CYP1A2: variants seen among roughly 807,000 people sequenced by gnomAD.
CYP1A2 encodes cytochrome P450 1A2.
Under a neutral mutation model 34.7 loss-of-function variants are expected in CYP1A2, and 35 were observed. The ratio of observed to expected loss-of-function variants is 1.01; its 90% CI spans 0.77 to 1.34. The LOEUF (loss-of-function observed/expected upper bound fraction) is 1.34, where lower values mean the gene tolerates loss of function less well. Ranked by LOEUF, CYP1A2 falls within the 40% of genes most tolerant of loss-of-function variation. The pLI, the probability that CYP1A2 is intolerant of heterozygous loss-of-function variation, is 0.00. For missense variants in CYP1A2, 675 were observed against 675.8 expected, an observed-to-expected ratio of 1.00 and a Z score of 0.01; for synonymous variants, 288 against 281.9, an observed-to-expected ratio of 1.02 and a Z score of -0.22.
intron 2 of CYP1A2, among the ~76,000 whole-genome samples, chr15:74,750,885 A>C (rs1405221697): frequency 6.6e-6 from 1 of 152,136 alleles, no homozygotes; most frequent in Non-Finnish European, 1.5e-5. Flanking sequence ...CCTAAACCCC[A>C]ACAGAGGCTA....
chr15:74,753,519 TC>T (rs2063325706), intron 6 of CYP1A2, among the ~76,000 whole-genome samples: 1 of 152,034 alleles, frequency 6.6e-6, no homozygotes, highest in Non-Finnish European at 1.5e-5. Flanking sequence ...TCACTTGAGG[TC>T]AGGAGTTTGA....
chr15:74,754,719 C>T (rs1335299381), intron 6 of CYP1A2, 72 bp from the exon 7 acceptor site: 1 of 1,495,544 alleles, frequency 6.7e-7, no homozygotes, highest in Non-Finnish European at 9.1e-7. Flanking sequence ...CAACAGAAGT[C>T]TCCCTCCCCC....
Position 74,752,243 on chromosome 15 carries a change from C to A in CYP1A2, c.1162C>A (p.His388Asn), listed in dbSNP as rs557412265. Residue 388 changes from histidine (H) to asparagine (N), a missense_variant, in exon 5 of 7, where the codon CAC becomes AAC. Coordinates refer to ENST00000343932, the MANE Select transcript of CYP1A2 (RefSeq NM_000761.5). The stretch of plus-strand genomic sequence containing the variant: ...CTCCTTCTTGCCCTTCACCATCCCC[C>A]ACAGGTGAGGCCTGCCGGTTCTGCC... ...HSSFLPFTIP[H>N]STTRDTTLNG... 1.2e-6 allele frequency: 2 copies of A among 1,613,886 alleles called. No individual in the cohort carries two copies. Among genetic ancestry groups the A allele is most frequent in the East Asian group, 2.2e-5 (1 of 44,862 alleles).
intron 4 of CYP1A2, 62 bp downstream of exon 4, chr15:74,751,916 G>A: frequency 1.9e-6 from 3 of 1,571,034 alleles, no homozygotes; most frequent in Non-Finnish European, 2.6e-6. Flanking sequence ...TGTTTGTTCA[G>A]TCTACAAACA....
intron 6 of CYP1A2, 146 bp downstream of exon 6, chr15:74,753,416 C>G: frequency 1.6e-6 from 1 of 643,670 alleles, no homozygotes; most frequent in African/African-American, 1.8e-5. Context: ...ACAAAAGTTT[C>G]ACAAACTTTA....
At chr15:74,750,632 C>T (rs34182516) in intron 2 of CYP1A2, 63 bp downstream of exon 2, 1,558 of 1,375,346 alleles carry the variant, frequency 1.1e-3, no homozygotes, top group Non-Finnish European at 1.4e-3. Flanking sequence ...CCCTCCCTCC[C>T]AGCTCCAGCA....
At chr15:74,754,065 C>T (rs888450457) in intron 6 of CYP1A2, among the ~76,000 whole-genome samples, 57 of 152,166 alleles carry the variant, frequency 3.7e-4, no homozygotes, top group African/African-American at 1.2e-3. Flanking sequence ...TTTCTTTCTT[C>T]CTTTCACTTT....
Position 74,754,909 on chromosome 15 carries a change from T to C in CYP1A2, c.1372T>C (p.Cys458Arg), listed in dbSNP as rs982089694. The C allele has an allele frequency of 6.2e-7, 1 of 1,614,072 alleles. No individual in the cohort carries two copies. ...MMLFGMGKRR[C>R]IGEVLAKWEI... Reference sequence around the variant, plus strand: ...GCTGTTTGGCATGGGCAAGCGCCGGTGTATCGGGGAAGTCCTGGCCAAGTG... The same window carrying C: ...GCTGTTTGGCATGGGCAAGCGCCGGCGTATCGGGGAAGTCCTGGCCAAGTG... The change falls in exon 7 of 7, where the codon TGT (cysteine) becomes CGT (arginine). Residue 458 changes from cysteine to arginine, a missense_variant. Physicochemically the swap from Cys to Arg is radical, Grantham distance 180 (BLOSUM62 -3). Coordinates refer to ENST00000343932, the MANE Select transcript of CYP1A2 (RefSeq NM_000761.5).
At position 74,751,846 on chromosome 15, in the gene CYP1A2, A is replaced by G. The variant is rs765006100; in HGVS notation, c.1034A>G (p.Lys345Arg). Residue 345 changes from lysine (K) to arginine (R), a missense_variant, in exon 4 of 7, where the codon AAG (lysine) becomes AGG (arginine). Coordinates refer to ENST00000343932, the MANE Select transcript of CYP1A2 (RefSeq NM_000761.5). ...TKPEIQRKIQKELDTVIGRER... is the reference protein window; with the variant it reads ...TKPEIQRKIQRELDTVIGRER... ...CCTGAGATACAGAGGAAGATCCAGAAGGAGCTGGGTACATGGGGGCCCCCA... is the reference window on the plus strand; with the variant it reads ...CCTGAGATACAGAGGAAGATCCAGAGGGAGCTGGGTACATGGGGGCCCCCA... 28 of 1,614,036 alleles carry G rather than the reference A, an allele frequency of 1.7e-5. No homozygotes were observed. The highest frequency in any genetic ancestry group is 2.4e-5 in the Non-Finnish European group (28 of 1,180,024).
intron 4 of CYP1A2, 92 bp from the exon 5 acceptor site, chr15:74,752,032 C>T (rs1160664567): frequency 1.0e-5 from 16 of 1,576,858 alleles, no homozygotes; most frequent in Non-Finnish European, 1.3e-5. Flanking sequence ...AATAGACAGT[C>T]TTACATAAGA....
Position 74,750,644 on chromosome 15 carries a change from GC to G in CYP1A2, c.831+78del, listed in dbSNP as rs1462054539. 20 of 1,267,278 alleles carry G rather than the reference GC, an allele frequency of 1.6e-5. No homozygotes were observed. In the Admixed American group the frequency reaches 3.7e-4, roughly 23 times the overall value. 78.5% of individuals were successfully genotyped at this position (1,267,278 alleles called of 1,614,324 possible). On this transcript the variant is annotated intron_variant, in intron 2 of 6. Coordinates refer to ENST00000343932, the MANE Select transcript of CYP1A2 (RefSeq NM_000761.5). ...AGCCCCTCCCTCCCAGCTCCAGCAT[GC>G]CCACACAGCTGCTGTGTTGCCAAGG...
At chr15:74,751,473 A>G (rs1374586553) in intron 3 of CYP1A2, among the ~76,000 whole-genome samples, 164 bp downstream of exon 3, 1 of 152,152 alleles carries the variant, frequency 6.6e-6, no homozygotes, top group Non-Finnish European at 1.5e-5. Context: ...TATGCCACCA[A>G]TTCCCAGTGG....
At position 74,751,999 on chromosome 15, in the gene CYP1A2, G is replaced by T. The variant is rs190776263; in HGVS notation, c.1043-125G>T. On this transcript the variant is annotated intron_variant, in intron 4 of 6. Transcript: ENST00000343932. ...TGCCCTTGCCTAGAAGATGTGGGAGGTTAGTGGGGTCGCAGACTTGTGAAT... is the reference window on the plus strand; with the variant it reads ...TGCCCTTGCCTAGAAGATGTGGGAGTTTAGTGGGGTCGCAGACTTGTGAAT... 1,425 of 1,538,272 alleles carry T rather than the reference G, an allele frequency of 9.3e-4. 15 individuals are homozygous for T. In the African/African-American group the frequency reaches 0.018, roughly 19 times the overall value.
Position 74,750,408 on chromosome 15 carries a change from C to A in CYP1A2, c.670C>A (p.His224Asn), listed in dbSNP as rs773105304. The change falls in exon 2 of 7, where the codon CAT becomes AAT. Residue 224 changes from histidine (H) to asparagine (N), a missense_variant. By Grantham distance (68) the His-to-Asn change is moderately conservative (BLOSUM62 1). Transcript: ENST00000343932. Reference protein sequence around the residue: ...DEMLSLVKNTHEFVETASSGN... With the variant: ...DEMLSLVKNTNEFVETASSGN... The stretch of plus-strand genomic sequence containing the variant: ...GATGCTCAGCCTCGTGAAGAACACT[C>A]ATGAGTTCGTGGAGACTGCCTCCTC... 1 of 1,614,178 alleles carries A rather than the reference C, an allele frequency of 6.2e-7. No individual in the cohort carries two copies. The highest frequency in any genetic ancestry group is 1.1e-5 in the South Asian group (1 of 91,088).
chr15:74,751,808 C>T lies in CYP1A2; in HGVS notation c.996C>T (p.Tyr332=), dbSNP rs1311082939. ...VTTAISWSLM[Y]LVTKPEIQRK... Reference sequence around the variant, plus strand: ...CAGCCATCTCCTGGAGCCTCATGTACCTTGTGACCAAGCCTGAGATACAGA... The same window carrying T: ...CAGCCATCTCCTGGAGCCTCATGTATCTTGTGACCAAGCCTGAGATACAGA... The change falls in exon 4 of 7, where the codon TAC becomes TAT. Residue 332 remains tyrosine (Y), a synonymous_variant. Coordinates refer to ENST00000343932, the MANE Select transcript of CYP1A2 (RefSeq NM_000761.5). 4 of 1,614,168 alleles carry T rather than the reference C, an allele frequency of 2.5e-6. No homozygotes were observed. In the South Asian group the frequency reaches 4.4e-5, roughly 18 times the overall value.
Position 74,755,080 on chromosome 15 carries a change from A to G in CYP1A2, c.1543A>G (p.Ile515Val), listed in dbSNP as rs35647699. The change falls in exon 7 of 7, where the codon ATC (isoleucine) becomes GTC (valine). Residue 515 changes from isoleucine to valine, a missense_variant. Ile to Val is a conservative substitution (Grantham distance 29). Transcript: ENST00000343932. ...EHVQARLRFS[I>V]N Reference sequence around the variant, plus strand: ...TGTCCAGGCGCGGCTGCGCTTCTCCATCAATTGAAGAAGACACCACCATTC... The same window carrying G: ...TGTCCAGGCGCGGCTGCGCTTCTCCGTCAATTGAAGAAGACACCACCATTC... 17 of 1,606,286 alleles carry G rather than the reference A, an allele frequency of 1.1e-5. No individual in the cohort carries two copies. The South Asian group carries it at 1.1e-4, about 10-fold the overall frequency.
chr15:74,753,801 G>A (rs897330108), intron 6 of CYP1A2, among the ~76,000 whole-genome samples: 2 of 152,026 alleles, frequency 1.3e-5, no homozygotes, highest in South Asian at 2.1e-4. Context: ...ATTCTACTGT[G>A]GTATCTAAGG....
intron 3 of CYP1A2, 73 bp downstream of exon 3, chr15:74,751,382 T>TCCATGAAATAAC: frequency 1.3e-6 from 2 of 1,587,676 alleles, no homozygotes; most frequent in Non-Finnish European, 8.6e-7. Context: ...AGCCCCTCAG[T>TCCATGAAATAAC]CCATGAAATA....
Position 74,754,913 on chromosome 15 carries a change from T to C in CYP1A2, c.1376T>C (p.Ile459Thr). 5 of 1,614,092 alleles carry C rather than the reference T, an allele frequency of 3.1e-6. No homozygotes were observed. The highest frequency in any genetic ancestry group is 1.7e-5 in the Admixed American group (1 of 60,010). ...MLFGMGKRRC[I>T]GEVLAKWEIF... ...TTTGGCATGGGCAAGCGCCGGTGTATCGGGGAAGTCCTGGCCAAGTGGGAG... is the reference window on the plus strand; with the variant it reads ...TTTGGCATGGGCAAGCGCCGGTGTACCGGGGAAGTCCTGGCCAAGTGGGAG... The change falls in exon 7 of 7, where the codon ATC (isoleucine) becomes ACC (threonine). Residue 459 changes from isoleucine to threonine, a missense_variant. Coordinates refer to ENST00000343932, the MANE Select transcript of CYP1A2 (RefSeq NM_000761.5).
Sources: gnomAD v4.1 joint callset for allele counts (sites outside exome capture counted in the v4.1 genomes callset) on GRCh38, gnomAD v4.1.1 for gene constraint, MANE v1.5 for transcripts, NCBI Gene and HGNC (gene_info 2026-07-23, HGNC 2026-07-21) for gene names.